The following ERAP2 variants were observed in gnomAD, a reference collection of about 807,000 sequenced individuals.
ERAP2 encodes endoplasmic reticulum aminopeptidase 2.
Under a neutral mutation model 111.1 loss-of-function variants are expected in ERAP2, and 118 were observed. The observed-to-expected ratio is 1.06, with a 90% CI of 0.92 to 1.24. The LOEUF is 1.24. Ranked by LOEUF, ERAP2 falls within the 50% of genes most tolerant of loss-of-function variation. ERAP2 has a pLI of 0.00. For synonymous variants in ERAP2, 410 were observed against 401.2 expected, an observed-to-expected ratio of 1.02 and a Z score of -0.26; for missense variants, 1,131 against 1,125.8, an observed-to-expected ratio of 1.00 and a Z score of -0.07.
intron 1 of ERAP2, among the ~76,000 whole-genome samples, chr5:96,877,557 TA>T (rs1480898990): frequency 2.6e-5 from 4 of 152,258 alleles, no homozygotes; most frequent in Non-Finnish European, 5.9e-5. Flanking sequence ...TTATTTCATT[TA>T]ATCATCCCAG....
At chr5:96,876,302 A>T (rs970228715), upstream of ERAP2, 2 of 152,388 alleles carry the variant, frequency 1.3e-5, no homozygotes, top group Non-Finnish European at 2.9e-5. Flanking sequence ...CTTTCTTTCC[A>T]TGGTTTGGCT....
intron 15 of ERAP2, 64 bp from the exon 16 acceptor site, chr5:96,912,573 T>C: frequency 1.5e-6 from 2 of 1,304,486 alleles, no homozygotes; most frequent in Non-Finnish European, 2.1e-6. Context: ...GACTTAAAAT[T>C]GTCATAAGAA....
At position 96,903,502 on chromosome 5, in the gene ERAP2, A is replaced by T; in HGVS notation, c.1954A>T (p.Thr652Ser). The T allele has an allele frequency of 6.2e-7, 1 of 1,614,018 alleles. No individual in the cohort carries two copies. The highest frequency in any genetic ancestry group is 8.5e-7 in the Non-Finnish European group (1 of 1,179,932). Residue 652 changes from threonine to serine, a missense_variant, in exon 13 of 19, where the codon ACA becomes TCA. Thr to Ser is a moderately conservative substitution (Grantham distance 58). Transcript: ENST00000437043. ...CATTACACAGCTGAATCAGAACCAC[A>T]CACTTCTCAGACCTAAGGACAGAGT... ...QLITQLNQNHTLLRPKDRVGL... is the reference protein window; with the variant it reads ...QLITQLNQNHSLLRPKDRVGL...
At chr5:96,909,947 T>G in intron 15 of ERAP2, 183 bp downstream of exon 15, 7 of 561,462 alleles carry the variant, frequency 1.2e-5, no homozygotes, top group East Asian at 6.1e-5. Flanking sequence ...GTACAATCTC[T>G]ACCATGAAAT....
chr5:96,909,958 G>A, intron 15 of ERAP2, 194 bp downstream of exon 15: 1 of 535,082 alleles, frequency 1.9e-6, no homozygotes, highest in South Asian at 2.5e-5. Flanking sequence ...ACCATGAAAT[G>A]TAATGGTGTC....
chr5:96,897,256 A>G (rs1581851117), intron 9 of ERAP2, among the ~76,000 whole-genome samples: 2 of 152,322 alleles, frequency 1.3e-5, no homozygotes, highest in Middle Eastern at 3.4e-3. Context: ...CTTCTCTCTT[A>G]TAAGAAGAAA....
chr5:96,880,574 C>G (rs1783020297), intron 2 of ERAP2, among the ~76,000 whole-genome samples: 1 of 152,028 alleles, frequency 6.6e-6, no homozygotes, highest in Non-Finnish European at 1.5e-5. Context: ...GAATGCTTCT[C>G]AAAGGAAGTG....
intron 13 of ERAP2, among the ~76,000 whole-genome samples, chr5:96,905,175 A>T (rs993791949): frequency 3.9e-5 from 6 of 152,340 alleles, no homozygotes; most frequent in Middle Eastern, 3.4e-3. Flanking sequence ...TCATGACATG[A>T]ATAGGAGGAG....
chr5:96,888,164 A>AG (rs1554055805), intron 4 of ERAP2, among the ~76,000 whole-genome samples: 1 of 149,682 alleles, frequency 6.7e-6, no homozygotes, highest in Non-Finnish European at 1.5e-5. Flanking sequence ...AAAAGAAAAA[A>AG]AAAGAAAAAT....
intron 13 of ERAP2, among the ~76,000 whole-genome samples, chr5:96,906,401 G>T (rs1241519209): frequency 6.6e-6 from 1 of 151,972 alleles, no homozygotes; most frequent in Non-Finnish European, 1.5e-5. Flanking sequence ...TGAGTAGCTG[G>T]GACTACAGGC....
intron 7 of ERAP2, 149 bp downstream of exon 7, chr5:96,895,508 C>T: frequency 1.5e-6 from 1 of 648,408 alleles, no homozygotes; most frequent in Non-Finnish European, 2.7e-6. Context: ...AAACAGATCA[C>T]AGAACTGGAT....
Position 96,886,636 on chromosome 5 carries a change from T to C in ERAP2, c.715-19T>C, listed in dbSNP as rs1467164490. ...TACTCCAGTTTTCAAGTACTGATTATTCCTTTTCCTTTCTGTAGGTTAAGA... is the reference window on the plus strand; with the variant it reads ...TACTCCAGTTTTCAAGTACTGATTACTCCTTTTCCTTTCTGTAGGTTAAGA... On this transcript the variant is annotated intron_variant, in intron 3 of 18. Transcript: ENST00000437043. The C allele has an allele frequency of 6.7e-7, 1 of 1,490,578 alleles. No individual in the cohort carries two copies. The highest frequency in any genetic ancestry group is 1.8e-5 in the Admixed American group (1 of 54,162). 92.3% of individuals were successfully genotyped at this position (1,490,578 alleles called of 1,614,324 possible). A position where few individuals can be genotyped will look rare whatever the true frequency, so the allele number is the denominator to read the frequency against.
At chr5:96,881,671 T>C (rs1783149169) in intron 2 of ERAP2, among the ~76,000 whole-genome samples, 1 of 152,170 alleles carries the variant, frequency 6.6e-6, no homozygotes, top group Non-Finnish European at 1.5e-5. Flanking sequence ...GCTCCTTCTG[T>C]CTTTCTGCTC....
At chr5:96,898,024 C>T (rs917327565) in intron 9 of ERAP2, among the ~76,000 whole-genome samples, 2 of 152,078 alleles carry the variant, frequency 1.3e-5, no homozygotes, top group Admixed American at 6.5e-5. Context: ...CGTGGAACCC[C>T]GTCTGTACTA....
At chr5:96,885,549 C>A (rs755699741) in intron 3 of ERAP2, among the ~76,000 whole-genome samples, 3 of 152,174 alleles carry the variant, frequency 2.0e-5, no homozygotes, top group Non-Finnish European at 4.4e-5. Flanking sequence ...AAAACATTTG[C>A]CATCAAAGTA....
chr5:96,915,015 T>A (rs1210667379), intron 17 of ERAP2, among the ~76,000 whole-genome samples: 1 of 152,148 alleles, frequency 6.6e-6, no homozygotes, highest in African/African-American at 2.4e-5. Flanking sequence ...TTAATTAATT[T>A]ATTTTTTTTG....
Position 96,892,313 on chromosome 5 carries a change from C to A in ERAP2, c.985C>A (p.Pro329Thr). 6.2e-7 allele frequency: 1 copy of A among 1,613,778 alleles called. No individual in the cohort carries two copies. The highest frequency in any genetic ancestry group is 8.5e-7 in the Non-Finnish European group (1 of 1,179,798). Reference protein sequence around the residue: ...PLSKLDLIAIPDFAPGAMENW... With the variant: ...PLSKLDLIAITDFAPGAMENW... ...TTATTTCTTAGATTTAATTGCTATT[C>A]CTGACTTTGCACCTGGAGCCATGGA... Residue 329 changes from proline (P) to threonine (T), a missense_variant, in exon 6 of 19, where the codon CCT becomes ACT. Transcript: ENST00000437043.
intron 13 of ERAP2, among the ~76,000 whole-genome samples, chr5:96,907,270 T>C (rs1013812977): frequency 5.3e-5 from 8 of 152,164 alleles, no homozygotes; most frequent in African/African-American, 1.9e-4. Flanking sequence ...ATTTTTTAAT[T>C]AAACAACTCA....
Position 96,917,905 on chromosome 5 carries a change from CAAAA to C in ERAP2, c.*320_*323del, listed in dbSNP as rs36015159. 2.0e-4 allele frequency: 10 copies of C among 50,268 alleles called. No homozygotes were observed. The highest frequency in any genetic ancestry group is 6.1e-4 in the African/African-American group (8 of 13,220). 3.1% of individuals were successfully genotyped at this position (50,268 alleles called of 1,614,324 possible). A position where few individuals can be genotyped will look rare whatever the true frequency, so the allele number is the denominator to read the frequency against. Reference sequence around the variant, plus strand: ...TGGGTGACTGAGCGAGACTCTGTCTCAAAAAAAAAAAAAAAAAAAAAAAGAAAAA... The same window carrying C: ...TGGGTGACTGAGCGAGACTCTGTCTCAAAAAAAAAAAAAAAAAAAGAAAAA... On this transcript the variant is annotated 3_prime_UTR_variant, in exon 19 of 19. Coordinates refer to ENST00000437043, the MANE Select transcript of ERAP2 (RefSeq NM_022350.5).
Sources: allele counts gnomAD v4.1 joint callset (sites outside exome capture counted in the v4.1 genomes callset), GRCh38; gene constraint gnomAD v4.1.1; transcripts MANE v1.5; gene names NCBI Gene and HGNC (gene_info 2026-07-23, HGNC 2026-07-21).